The following GPR161 variants were observed in gnomAD, a reference collection of about 807,000 sequenced individuals.
GPR161 encodes the protein G-protein coupled receptor RE2.
In GPR161, 25 loss-of-function variants were observed where a neutral mutation model predicts 39.2. That is an observed-to-expected ratio of 0.64 (90% CI 0.47 to 0.89). The LOEUF is 0.89. Among genes scored for constraint, GPR161 ranks in the 40% least tolerant of loss-of-function variants. The pLI, the probability that GPR161 is intolerant of heterozygous loss-of-function variation, is 0.00. For missense variants in GPR161, 547 were observed against 677.8 expected, an observed-to-expected ratio of 0.81 and a Z score of 2.14; for synonymous variants, 286 against 276.6, an observed-to-expected ratio of 1.03 and a Z score of -0.34.
rs573640293 is a variant in GPR161, at chr1:168,105,939, C to A, written c.-44-1045G>T. On this transcript the variant is annotated intron_variant, in intron 1 of 5. Transcript: ENST00000682931. ...AAAACTCTGCTGCCTAAACTGCCTA[C>A]ACACAGCAGCGGGGCCATCCTCACA... Among the ~76,000 whole-genome samples, 5 of 152,362 alleles carry A rather than the reference C, an allele frequency of 3.3e-5. No individual in the cohort carries two copies. In the East Asian group the frequency reaches 9.6e-4, roughly 29 times the overall value.
chr1:168,123,159 G>T lies in GPR161; in HGVS notation c.-45+13580C>A, dbSNP rs1292445590. ...CAAATGTGCCTACAAAAATATATGG[G>T]CTTGGTCCAGGAATGGTGACTCATG... On this transcript the variant is annotated intron_variant, in intron 1 of 5. Transcript: ENST00000682931. Among the ~76,000 whole-genome samples, 4 of 152,154 alleles carry T rather than the reference G, an allele frequency of 2.6e-5. No homozygotes were observed. In the East Asian group the frequency reaches 7.7e-4, roughly 29 times the overall value.
At chr1:168,131,779 G>A (rs1419052514) in intron 1 of GPR161, among the ~76,000 whole-genome samples, 2 of 152,186 alleles carry the variant, frequency 1.3e-5, no homozygotes, top group African/African-American at 2.4e-5. Context: ...CAAAGTTGGG[G>A]AAGAAGACAT....
At chr1:168,100,640 T>G (rs1482155740) in intron 2 of GPR161, among the ~76,000 whole-genome samples, 1 of 152,170 alleles carries the variant, frequency 6.6e-6, no homozygotes, top group Non-Finnish European at 1.5e-5. Flanking sequence ...TAAGTTGTCT[T>G]CAGTGAAAAC....
rs958502669 is a variant in GPR161 at position 168,080,733 on chromosome 1, C to G, written c.*4798G>C. 1 of 152,206 alleles carries G rather than the reference C, an allele frequency of 6.6e-6. No homozygotes were observed. The highest frequency in any genetic ancestry group is 1.5e-5 in the Non-Finnish European group (1 of 68,084). 9.4% of individuals were successfully genotyped at this position (152,206 alleles called of 1,614,324 possible). On this transcript the variant is annotated 3_prime_UTR_variant, in exon 6 of 6. Coordinates refer to ENST00000682931, the MANE Select transcript of GPR161 (RefSeq NM_001375883.1). ...TTTCTGGACTGTAAGGAAGGTCAAG[C>G]TGTATTTGTGCTATGATTTGGAACG... is the stretch of plus-strand genomic sequence containing the variant.
At chr1:168,137,283 T>C, upstream of GPR161, 3 of 1,511,438 alleles carry the variant, frequency 2.0e-6, no homozygotes, top group Non-Finnish European at 2.6e-6. Context: ...TCCATGTCTC[T>C]CTCCATCACA....
intron 1 of GPR161, among the ~76,000 whole-genome samples, chr1:168,135,206 A>C (rs951074119): frequency 2.0e-5 from 3 of 152,194 alleles, no homozygotes; most frequent in African/African-American, 7.2e-5. Flanking sequence ...TCAGGAAACC[A>C]CGTGAAAAGC....
At chr1:168,106,928 G>A (rs979672991) in intron 1 of GPR161, among the ~76,000 whole-genome samples, 1 of 152,212 alleles carries the variant, frequency 6.6e-6, no homozygotes, top group East Asian at 1.9e-4. Context: ...TTTAGTTGGC[G>A]AGTTCTGGGT....
At chr1:168,087,530 A>G in intron 5 of GPR161, 55 bp downstream of exon 5, 1 of 1,603,410 alleles carries the variant, frequency 6.2e-7, no homozygotes, top group East Asian at 2.2e-5. Flanking sequence ...GAATTGTCCT[A>G]AGATCCTTTC....
chr1:168,122,678 A>T (rs1698276443), intron 1 of GPR161, among the ~76,000 whole-genome samples: 2 of 152,172 alleles, frequency 1.3e-5, no homozygotes, highest in Non-Finnish European at 2.9e-5. Context: ...GCATGCTTCC[A>T]GCTCAGGGGC....
rs757101850 is a variant in GPR161, at chr1:168,096,920, G to A, written c.687C>T (p.Ile229=). The change falls in exon 3 of 6, where the codon ATC becomes ATT. Residue 229 remains isoleucine, a synonymous_variant. Transcript: ENST00000682931. ...ARKVHCGTVV[I]VEEDAQRTGR... ...CGGTCCTCTGAGCATCCTCCTCCACGATGACGACTGTGCCACAGTGCACCT... is the reference window on the plus strand; with the variant it reads ...CGGTCCTCTGAGCATCCTCCTCCACAATGACGACTGTGCCACAGTGCACCT... 1.9e-5 allele frequency: 30 copies of A among 1,613,996 alleles called. No individual in the cohort carries two copies. Among genetic ancestry groups the A allele is most frequent in the Admixed American group, 3.3e-5 (2 of 60,002 alleles).
intron 1 of GPR161, chr1:168,114,472 T>A (rs2102209333): frequency 6.6e-6 from 1 of 152,058 alleles, no homozygotes; most frequent in East Asian, 1.9e-4. Context: ...TCCCGGCTAT[T>A]CAGGAGGCTG....
Position 168,111,030 on chromosome 1 carries a change from G to A in GPR161, c.-44-6136C>T, listed in dbSNP as rs554219536. 2.3e-4 allele frequency among the ~76,000 whole-genome samples: 35 copies of A among 152,262 alleles called. 1 individual carries two copies. In the South Asian group the frequency reaches 7.1e-3, roughly 31 times the overall value. ...AAAGAAAGATGATTAACTGAAAGAT[G>A]GTTCCTAGAAGAAACGTCCGAGGAA... is the stretch of plus-strand genomic sequence containing the variant. On this transcript the variant is annotated intron_variant, in intron 1 of 5. Transcript: ENST00000682931.
At chr1:168,105,894 C>A (rs527656016) in intron 1 of GPR161, among the ~76,000 whole-genome samples, 60 of 152,356 alleles carry the variant, frequency 3.9e-4, no homozygotes, top group Non-Finnish European at 8.1e-4. Context: ...AAGGAAAGAT[C>A]GCTTTCCACG....
In GPR161 at chr1:168,120,463, G is replaced by A. The variant is rs187338302; in HGVS notation, c.-44-15569C>T. 3.5e-4 allele frequency among the ~76,000 whole-genome samples: 53 copies of A among 152,250 alleles called. 1 individual carries two copies. In the South Asian group the frequency reaches 4.1e-3, roughly 12 times the overall value. On this transcript the variant is annotated intron_variant, in intron 1 of 5. Coordinates refer to ENST00000682931, the MANE Select transcript of GPR161 (RefSeq NM_001375883.1). Reference sequence around the variant, plus strand: ...GCAGAAGGGACTTGCCTTGTCTTACGTGAGACTTTGGACTTGGACTTTTTG... The same window carrying A: ...GCAGAAGGGACTTGCCTTGTCTTACATGAGACTTTGGACTTGGACTTTTTG...
In GPR161 at chr1:168,104,511, T is replaced by C. The variant is rs1696408834; in HGVS notation, c.340A>G (p.Ser114Gly). 2 of 1,614,106 alleles carry C rather than the reference T, an allele frequency of 1.2e-6. No homozygotes were observed. Among genetic ancestry groups the C allele is most frequent in the Non-Finnish European group, 1.7e-6 (2 of 1,179,988 alleles). ...ALLYLLISSA[S>G]MLTLGVIAID... ...GCAATGACCCCGAGGGTTAGCATGC[T>C]GGCAGAGCTGATCAGCAGGTAGAGG... Residue 114 changes from serine to glycine, a missense_variant, in exon 2 of 6, where the codon AGC (serine) becomes GGC (glycine). Physicochemically the swap from Ser to Gly is moderately conservative, Grantham distance 56 (BLOSUM62 0). Coordinates refer to ENST00000682931, the MANE Select transcript of GPR161 (RefSeq NM_001375883.1).
Position 168,085,248 on chromosome 1 carries a change from A to G in GPR161, c.*283T>C. 5 of 499,000 alleles carry G rather than the reference A, an allele frequency of 1.0e-5. No homozygotes were observed. Among genetic ancestry groups the G allele is most frequent in the Non-Finnish European group, 1.8e-5 (5 of 274,716 alleles). The allele number at this position is 499,000 out of a possible 1,614,324, so 30.9% of individuals were successfully genotyped here. On this transcript the variant is annotated 3_prime_UTR_variant, in exon 6 of 6. Coordinates refer to ENST00000682931, the MANE Select transcript of GPR161 (RefSeq NM_001375883.1). ...CCACCTCCCAAAAAGCCACAGCCAC[A>G]TCTCTAGATTTTTTTTTGGTTTTTT...
rs908245142 is a variant in GPR161, at chr1:168,083,505, C to G, written c.*2026G>C. ...TAAAGGTCTCTCTGCCCTGTTCCACCTCTGTGCACACTAGTTGATCAGGAA... is the reference window on the plus strand; with the variant it reads ...TAAAGGTCTCTCTGCCCTGTTCCACGTCTGTGCACACTAGTTGATCAGGAA... On this transcript the variant is annotated 3_prime_UTR_variant, in exon 6 of 6. Coordinates refer to ENST00000682931, the MANE Select transcript of GPR161 (RefSeq NM_001375883.1). 3 of 152,212 alleles carry G rather than the reference C, an allele frequency of 2.0e-5. No individual in the cohort carries two copies. Among genetic ancestry groups the G allele is most frequent in the African/African-American group, 7.2e-5 (3 of 41,440 alleles). 9.4% of individuals were successfully genotyped at this position (152,212 alleles called of 1,614,324 possible).
In GPR161 at chr1:168,096,842, G is replaced by A; in HGVS notation, c.765C>T (p.Ala255=). 6.2e-7 allele frequency: 1 copy of A among 1,614,154 alleles called. No homozygotes were observed. The highest frequency in any genetic ancestry group is 8.5e-7 in the Non-Finnish European group (1 of 1,180,034). ...TGGCCGAGTAGACCACACCCTGAAA[G>A]GCATTCCTCCTGCTGCCTGAAGAGG... ...STSSSGSRRN[A]FQGVVYSANQ... The change falls in exon 3 of 6, where the codon GCC becomes GCT. Residue 255 remains alanine (A), a synonymous_variant. Coordinates refer to ENST00000682931, the MANE Select transcript of GPR161 (RefSeq NM_001375883.1).
At chr1:168,115,316 A>G (rs1471372096) in intron 1 of GPR161, among the ~76,000 whole-genome samples, 1 of 152,022 alleles carries the variant, frequency 6.6e-6, no homozygotes, top group Non-Finnish European at 1.5e-5. Flanking sequence ...CTGATTTATC[A>G]TGATCTATAT....
Sources: allele counts gnomAD v4.1 joint callset (sites outside exome capture counted in the v4.1 genomes callset), GRCh38; gene constraint gnomAD v4.1.1; transcripts MANE v1.5; gene names NCBI Gene and HGNC (gene_info 2026-07-23, HGNC 2026-07-21).